The following KREMEN1 variants were observed in gnomAD, a reference collection of about 807,000 sequenced individuals.
The protein encoded by KREMEN1 is kringle containing transmembrane protein 1, also known as kremen protein 1.
In KREMEN1, 30 loss-of-function variants were observed where a neutral mutation model predicts 46.5. The observed-to-expected ratio is 0.65, with a 90% CI of 0.48 to 0.88. The LOEUF is 0.88. Among genes scored for constraint, KREMEN1 ranks in the 40% least tolerant of loss-of-function variants. The pLI is 0.00. For synonymous variants in KREMEN1, 214 were observed against 230.6 expected (o/e 0.93, Z 0.65); for missense variants, 533 against 596.9 (o/e 0.89, Z 1.11).
intron 9 of KREMEN1, among the ~76,000 whole-genome samples, chr22:29,155,835 T>G (rs2038956379): frequency 6.6e-6 from 1 of 151,916 alleles, no homozygotes; most frequent in African/African-American, 2.4e-5. Context: ...GGCGCGTGCC[T>G]GTAATCCCAG....
chr22:29,114,130 A>G (rs1221390166), intron 3 of KREMEN1, among the ~76,000 whole-genome samples: 1 of 152,002 alleles, frequency 6.6e-6, no homozygotes, highest in Admixed American at 6.6e-5. Flanking sequence ...TGGGGAGGTA[A>G]TTAGGCTTAG....
intron 3 of KREMEN1, among the ~76,000 whole-genome samples, chr22:29,103,084 G>C (rs968154616): frequency 1.7e-4 from 26 of 152,170 alleles, no homozygotes; most frequent in African/African-American, 5.5e-4. Context: ...GGATTTAACA[G>C]AGATACAGCC....
At chr22:29,101,336 G>C (rs1486371871) in intron 3 of KREMEN1, among the ~76,000 whole-genome samples, 1 of 150,982 alleles carries the variant, frequency 6.6e-6, no homozygotes, top group Non-Finnish European at 1.5e-5. Flanking sequence ...TGTAAGCTAA[G>C]TGTTATTATG....
chr22:29,143,267 C>T lies in KREMEN1; in HGVS notation c.*1155C>T. 1.0e-6 allele frequency: 1 copy of T among 985,460 alleles called. No homozygotes were observed. The highest frequency in any genetic ancestry group is 1.2e-6 in the Non-Finnish European group (1 of 829,940). The allele number at this position is 985,460 out of a possible 1,614,324, so 61.0% of individuals were successfully genotyped here. A position where few individuals can be genotyped will look rare whatever the true frequency, so the allele number is the denominator to read the frequency against. ...CTCAGGATTGGCTTTATCAGCCTTG[C>T]CACTGAGCAGCTCATGGTCCTATGG... On this transcript the variant is annotated 3_prime_UTR_variant, in exon 9 of 9. Coordinates refer to ENST00000400335, the MANE Select transcript of KREMEN1 (RefSeq NM_001039570.3).
At position 29,080,941 on chromosome 22, in the gene KREMEN1, C is replaced by CTTT. The variant is rs71313000; in HGVS notation, c.97+7733_97+7735dup. Among the ~76,000 whole-genome samples, 29 of 112,246 alleles carry CTTT rather than the reference C, an allele frequency of 2.6e-4. 1 individual carries two copies. The highest frequency in any genetic ancestry group is 8.4e-4 in the African/African-American group (24 of 28,464). 73.6% of individuals were successfully genotyped at this position (112,246 alleles called of 152,430 possible). On this transcript the variant is annotated intron_variant, in intron 1 of 8. Coordinates refer to ENST00000400335, the MANE Select transcript of KREMEN1 (RefSeq NM_001039570.3). ...GTCCTGATTGTATTATTTTTTTGTC[C>CTTT]TTTTTTTTTTTTTTTTTTTTTAGCG...
At chr22:29,166,278 A>G (rs1416887104) in intron 9 of KREMEN1, among the ~76,000 whole-genome samples, 4 of 147,594 alleles carry the variant, frequency 2.7e-5, no homozygotes, top group African/African-American at 1.0e-4. Context: ...GGTGACTGGT[A>G]TTCTGCTGGA....
At chr22:29,130,279 A>T (rs999908932) in intron 5 of KREMEN1, among the ~76,000 whole-genome samples, 1 of 152,060 alleles carries the variant, frequency 6.6e-6, no homozygotes, top group African/African-American at 2.4e-5. Flanking sequence ...TGGGAAGGGA[A>T]GAGATTAATT....
At chr22:29,139,438 C>T (rs573669610) in intron 7 of KREMEN1, among the ~76,000 whole-genome samples, 2 of 151,748 alleles carry the variant, frequency 1.3e-5, no homozygotes, top group Non-Finnish European at 2.9e-5. Context: ...CCTTTCTCTA[C>T]AAAAAATAAA....
In KREMEN1 at chr22:29,073,351, C is replaced by A; in HGVS notation, c.97+124C>A. 1 of 248,812 alleles carries A rather than the reference C, an allele frequency of 4.0e-6. No individual in the cohort carries two copies. Among genetic ancestry groups the A allele is most frequent in the Non-Finnish European group, 7.1e-6 (1 of 141,080 alleles). The allele number at this position is 248,812 out of a possible 1,614,324, so 15.4% of individuals were successfully genotyped here. A position where few individuals can be genotyped will look rare whatever the true frequency, so the allele number is the denominator to read the frequency against. ...GACCTTCCGGGCCCCTTCCCCTCGCCCCTAGGCGACGCCCCTCAGGCCGGG... is the reference window on the plus strand; with the variant it reads ...GACCTTCCGGGCCCCTTCCCCTCGCACCTAGGCGACGCCCCTCAGGCCGGG... On this transcript the variant is annotated intron_variant, in intron 1 of 8. Transcript: ENST00000400335. This position sits in a 1 kb window ranked among gnomAD's most constrained non-coding sequence, Gnocchi z 4.4.
chr22:29,100,567 A>G (rs755903417), intron 3 of KREMEN1, among the ~76,000 whole-genome samples: 91 of 152,244 alleles, frequency 6.0e-4, no homozygotes, highest in Non-Finnish European at 9.6e-4. Context: ...AGTATAACAT[A>G]TACAATTATG....
At chr22:29,147,670 G>C (rs2187863), downstream of KREMEN1, among the ~76,000 whole-genome samples, 1 of 152,208 alleles carries the variant, frequency 6.6e-6, no homozygotes, top group Admixed American at 6.5e-5. Context: ...AGATCTGAGC[G>C]GGGTAAGACC....
At chr22:29,120,630 G>A (rs1417334726) in intron 3 of KREMEN1, among the ~76,000 whole-genome samples, 1 of 152,146 alleles carries the variant, frequency 6.6e-6, no homozygotes, top group Non-Finnish European at 1.5e-5. Context: ...GGAGGAAGGA[G>A]AGGTGCTGAC....
intron 1 of KREMEN1, among the ~76,000 whole-genome samples, chr22:29,074,005 C>T (rs1282259018): frequency 6.6e-6 from 1 of 152,248 alleles, no homozygotes; most frequent in Non-Finnish European, 1.5e-5. Flanking sequence ...TCCCCCAGTC[C>T]TCTCCTCCCG....
intron 1 of KREMEN1, among the ~76,000 whole-genome samples, chr22:29,074,522 G>A (rs537735343): frequency 9.2e-5 from 14 of 152,340 alleles, no homozygotes; most frequent in Middle Eastern, 6.8e-3. Context: ...CTTTCTAAGT[G>A]GAAGAGAAGG....
Position 29,094,242 on chromosome 22 carries a change from C to CT in KREMEN1, c.98-8dup, listed in dbSNP as rs746354399. 67 of 1,586,484 alleles carry CT rather than the reference C, an allele frequency of 4.2e-5. No individual in the cohort carries two copies. Among genetic ancestry groups the CT allele is most frequent in the African/African-American group, 3.8e-4 (28 of 73,544 alleles). On this transcript the variant is annotated splice_polypyrimidine_tract_variant and intron_variant, in intron 1 of 8. Coordinates refer to ENST00000400335, the MANE Select transcript of KREMEN1 (RefSeq NM_001039570.3). Reference sequence around the variant, plus strand: ...TTGCCAGAAAATTAGTTTGCTCTGTCTTTTTTTTCTTCTAGAGTGTTTCAC... The same window carrying CT: ...TTGCCAGAAAATTAGTTTGCTCTGTCTTTTTTTTTCTTCTAGAGTGTTTCAC...
Position 29,104,284 on chromosome 22 carries a change from G to A in KREMEN1, c.352+5331G>A, listed in dbSNP as rs145746994. ...CAGTCTTCCCACCTCAGCCTCCTGA[G>A]TAGCTGGGCCTACAGGCACATGCCA... On this transcript the variant is annotated intron_variant, in intron 3 of 8. Transcript: ENST00000400335. Among the ~76,000 whole-genome samples, 517 of 151,760 alleles carry A rather than the reference G, an allele frequency of 3.4e-3. 7 individuals carry two copies. In the East Asian group the frequency reaches 0.036, roughly 11 times the overall value.
At chr22:29,133,203 G>A (rs569469189) in intron 5 of KREMEN1, among the ~76,000 whole-genome samples, 10 of 148,386 alleles carry the variant, frequency 6.7e-5, no homozygotes, top group African/African-American at 2.5e-4. Context: ...AGCAGAGATC[G>A]CGTCATTGCA....
Position 29,146,025 on chromosome 22 carries a change from G to T in KREMEN1, c.*3913G>T, listed in dbSNP as rs1037003418. On this transcript the variant is annotated 3_prime_UTR_variant, in exon 9 of 9. Transcript: ENST00000400335. ...GGCACTGCACGCTTACTCTTCACAA[G>T]CACTTATACGCGGATGGCCTCCGAG... 1 of 985,708 alleles carries T rather than the reference G, an allele frequency of 1.0e-6. No individual in the cohort carries two copies. 61.1% of individuals were successfully genotyped at this position (985,708 alleles called of 1,614,324 possible).
At position 29,087,190 on chromosome 22, in the gene KREMEN1, A is replaced by T. The variant is rs150756735; in HGVS notation, c.98-7068A>T. Among the ~76,000 whole-genome samples, 597 of 152,290 alleles carry T rather than the reference A, an allele frequency of 3.9e-3. 4 individuals carry two copies. The highest frequency in any genetic ancestry group is 0.014 in the African/African-American group (569 of 41,570). Reference sequence around the variant, plus strand: ...ATGTTCTCTGCTGTCTTGCTTTAAGATGCTGTAATTGAATTTAATGTGAAT... The same window carrying T: ...ATGTTCTCTGCTGTCTTGCTTTAAGTTGCTGTAATTGAATTTAATGTGAAT... On this transcript the variant is annotated intron_variant, in intron 1 of 8. Transcript: ENST00000400335.
Sources: gnomAD v4.1 joint callset for allele counts (sites outside exome capture counted in the v4.1 genomes callset) on GRCh38, gnomAD v4.1.1 for gene constraint, Gnocchi (gnomAD v3.1) non-coding constraint, MANE v1.5 for transcripts, NCBI Gene and HGNC (gene_info 2026-07-23, HGNC 2026-07-21) for gene names.